The following PPHLN1 variants were observed in gnomAD, a reference collection of about 807,000 sequenced individuals.
PPHLN1 encodes the protein periphilin 1.
In PPHLN1, 29 loss-of-function variants were observed where a neutral mutation model predicts 51.3. The observed-to-expected ratio is 0.57, with a 90% CI of 0.42 to 0.77. The LOEUF (loss-of-function observed/expected upper bound fraction) is 0.77. Among genes scored for constraint, PPHLN1 ranks in the 30% least tolerant of loss-of-function variants. The pLI, the probability that PPHLN1 is intolerant of heterozygous loss-of-function variation, is 0.00. For synonymous variants in PPHLN1, 147 were observed against 147.8 expected (o/e 0.99, Z 0.04); for missense variants, 436 against 438.4 (o/e 0.99, Z 0.05).
intron 4 of PPHLN1, among the ~76,000 whole-genome samples, chr12:42,368,380 G>T (rs1237912539): frequency 6.6e-6 from 1 of 152,140 alleles, no homozygotes; most frequent in Non-Finnish European, 1.5e-5. Flanking sequence ...TTTAAAGCTT[G>T]AGAGTCCATG....
rs1592684715 is a variant in PPHLN1 at position 42,393,752 on chromosome 12, G to T, written c.768+63G>T. 3 of 1,471,038 alleles carry T rather than the reference G, an allele frequency of 2.0e-6. No homozygotes were observed. In the South Asian group the frequency reaches 4.1e-5, roughly 20 times the overall value. 91.1% of individuals were successfully genotyped at this position (1,471,038 alleles called of 1,614,324 possible). A position where few individuals can be genotyped will look rare whatever the true frequency, so the allele number is the denominator to read the frequency against. ...AGTTTTGTCTGGATTTTAAATTATG[G>T]GCGAAAAATATTTGGTTTATTCCTA... is the stretch of plus-strand genomic sequence containing the variant. On this transcript the variant is annotated intron_variant, in intron 8 of 9. Transcript: ENST00000358314.
downstream of PPHLN1, among the ~76,000 whole-genome samples, chr12:42,442,451 A>T (rs759919472): frequency 6.6e-6 from 1 of 152,214 alleles, no homozygotes; most frequent in African/African-American, 2.4e-5. Context: ...GGGGGGCGAC[A>T]ATGTTCATTA....
In PPHLN1 at chr12:42,393,696, C is replaced by G; in HGVS notation, c.768+7C>G. 1 of 1,580,368 alleles carries G rather than the reference C, an allele frequency of 6.3e-7. No homozygotes were observed. ...TGAAATTTCTGAGTATGAGGTAAGG[C>G]ATAATGTCTCCTTTATGTTTCACAT... On this transcript the variant is annotated splice_region_variant and intron_variant, in intron 8 of 9. Coordinates refer to ENST00000358314, the MANE Select transcript of PPHLN1 (RefSeq NM_201439.2).
chr12:42,418,832 G>T (rs1480164972), intron 9 of PPHLN1, among the ~76,000 whole-genome samples: 1 of 151,894 alleles, frequency 6.6e-6, no homozygotes, highest in Non-Finnish European at 1.5e-5. Context: ...GTTTCCTGAG[G>T]ATAGGCACTA....
At chr12:42,417,775 G>A (rs2080531159) in intron 9 of PPHLN1, among the ~76,000 whole-genome samples, 1 of 151,700 alleles carries the variant, frequency 6.6e-6, no homozygotes, top group South Asian at 2.1e-4. Context: ...TTGCCAAGAA[G>A]TTCGACCAGT....
intron 2 of PPHLN1, 131 bp downstream of exon 2, chr12:42,336,105 A>G: frequency 2.1e-6 from 1 of 483,772 alleles, no homozygotes; most frequent in East Asian, 3.2e-5. Context: ...AAAGAGATCA[A>G]GCTTATCTTT....
intron 9 of PPHLN1, among the ~76,000 whole-genome samples, chr12:42,425,609 G>A (rs1232010010): frequency 2.7e-5 from 4 of 150,334 alleles, no homozygotes; most frequent in South Asian, 4.2e-4. Context: ...GGCTGGTCTC[G>A]AACTCCTGAC....
intron 2 of PPHLN1, among the ~76,000 whole-genome samples, chr12:42,350,039 C>A (rs188474661): frequency 0.03 from 4,481 of 150,150 alleles, 235 homozygotes; most frequent in African/African-American, 0.1. Context: ...AGGCGCCCCC[C>A]ACCTCCCAGA....
intron 9 of PPHLN1, chr12:42,399,310 G>C (rs1592726076): frequency 1.1e-6 from 1 of 872,496 alleles, no homozygotes; most frequent in Non-Finnish European, 1.4e-6. Flanking sequence ...GTAGCAAAAT[G>C]TTAGCAAATG....
Position 42,395,133 on chromosome 12 carries a change from T to C in PPHLN1, c.768+1444T>C, listed in dbSNP as rs182935636. On this transcript the variant is annotated intron_variant, in intron 8 of 9. Coordinates refer to ENST00000358314, the MANE Select transcript of PPHLN1 (RefSeq NM_201439.2). ...ATGCATCTTGACACTGAATAATCCA[T>C]GAGTGACTTCGGATCTAGAAAGACT... Among the ~76,000 whole-genome samples the C allele has an allele frequency of 3.6e-3, 546 of 152,182 alleles. 5 individuals carry two copies. Among genetic ancestry groups the C allele is most frequent in the African/African-American group, 0.013 (529 of 41,542 alleles).
chr12:42,418,483 C>A (rs2080674282), intron 9 of PPHLN1, among the ~76,000 whole-genome samples: 1 of 152,000 alleles, frequency 6.6e-6, no homozygotes, highest in Admixed American at 6.6e-5. Context: ...TTCACCATGG[C>A]TATAGAGACC....
chr12:42,377,379 T>A (rs1376436779), intron 5 of PPHLN1, among the ~76,000 whole-genome samples: 1 of 147,600 alleles, frequency 6.8e-6, no homozygotes, highest in Non-Finnish European at 1.5e-5. Flanking sequence ...TGATCTCAAC[T>A]CACTGCAACC....
chr12:42,377,587 A>G (rs1052734179), intron 5 of PPHLN1, among the ~76,000 whole-genome samples: 2 of 152,164 alleles, frequency 1.3e-5, no homozygotes, highest in African/African-American at 4.8e-5. Flanking sequence ...TACAGGCATG[A>G]GCCACTGTGC....
chr12:42,437,450 A>G lies in PPHLN1; in HGVS notation c.910-3865A>G, dbSNP rs74546093. Reference sequence around the variant, plus strand: ...AGCACAGTCAGCTGTAGGTACTGAAACTCGGGCACAAAAGTTAAGAAACCT... The same window carrying G: ...AGCACAGTCAGCTGTAGGTACTGAAGCTCGGGCACAAAAGTTAAGAAACCT... On this transcript the variant is annotated intron_variant, in intron 9 of 9. Coordinates refer to ENST00000358314, the MANE Select transcript of PPHLN1 (RefSeq NM_201439.2). Among the ~76,000 whole-genome samples the G allele has an allele frequency of 4.7e-3, 710 of 152,204 alleles. 1 individual carries two copies. The highest frequency in any genetic ancestry group is 0.016 in the African/African-American group (668 of 41,540).
intron 5 of PPHLN1, among the ~76,000 whole-genome samples, chr12:42,382,092 T>G (rs1489864463): frequency 6.6e-6 from 1 of 152,184 alleles, no homozygotes; most frequent in African/African-American, 2.4e-5. Context: ...TTGGTTAGAT[T>G]TATCATTTCT....
chr12:42,428,655 AT>A (rs2081731372), intron 9 of PPHLN1, among the ~76,000 whole-genome samples: 2 of 152,208 alleles, frequency 1.3e-5, no homozygotes, highest in Admixed American at 1.3e-4. Flanking sequence ...AAAAGACCAC[AT>A]ATTGGGTGCA....
chr12:42,418,353 C>G (rs1352974773), intron 9 of PPHLN1, among the ~76,000 whole-genome samples: 1 of 151,444 alleles, frequency 6.6e-6, no homozygotes, highest in Non-Finnish European at 1.5e-5. Context: ...GCCTCCGTAA[C>G]CAAATGGAGT....
At chr12:42,442,464 C>T (rs2083040517), downstream of PPHLN1, among the ~76,000 whole-genome samples, 1 of 152,250 alleles carries the variant, frequency 6.6e-6, no homozygotes. Context: ...GTTCATTACT[C>T]ACAAATTGTG....
chr12:42,446,254 T>C, downstream of PPHLN1: 11 of 1,610,240 alleles, frequency 6.8e-6, no homozygotes, highest in Non-Finnish European at 9.3e-6. Flanking sequence ...ATTTGTTCCT[T>C]GCTATGCTCT....
Sources: allele counts gnomAD v4.1 joint callset (sites outside exome capture counted in the v4.1 genomes callset), GRCh38; gene constraint gnomAD v4.1.1; transcripts MANE v1.5; gene names NCBI Gene and HGNC (gene_info 2026-07-23, HGNC 2026-07-21).